The following TOP1 variants were observed in gnomAD, a reference collection of about 807,000 sequenced individuals.
TOP1 encodes DNA topoisomerase I, also known as DNA topoisomerase 1.
Under a neutral mutation model 111.1 loss-of-function variants are expected in TOP1, and 10 were observed. The observed-to-expected ratio is 0.09, with a 90% CI of 0.06 to 0.15. TOP1 has a LOEUF of 0.15. TOP1 is among the 10% of genes least tolerant of loss of function. The pLI is 1.00. For missense variants in TOP1, 474 were observed against 926.7 expected (o/e 0.51, Z 6.34); for synonymous variants, 271 against 302.9 (o/e 0.89, Z 1.10).
Position 41,097,204 on chromosome 20 carries a change from C to T in TOP1, c.731-16C>T. The T allele has an allele frequency of 1.2e-6, 2 of 1,607,950 alleles. No individual in the cohort carries two copies. The highest frequency in any genetic ancestry group is 1.7e-6 in the Non-Finnish European group (2 of 1,178,590). On this transcript the variant is annotated splice_polypyrimidine_tract_variant and intron_variant, in intron 9 of 20. Coordinates refer to ENST00000361337, the MANE Select transcript of TOP1 (RefSeq NM_003286.4). The surrounding 1 kb of genome is among the most constrained non-coding windows in gnomAD (Gnocchi z 4.2). ...GAATACTATACCTCACTTTTTGGAACCACTTTTTTCTCTAGGTAAAGTCAT... is the reference window on the plus strand; with the variant it reads ...GAATACTATACCTCACTTTTTGGAATCACTTTTTTCTCTAGGTAAAGTCAT...
chr20:41,097,168 G>T lies in TOP1; in HGVS notation c.731-52G>T. The T allele has an allele frequency of 6.3e-7, 1 of 1,594,004 alleles. No homozygotes were observed. Among genetic ancestry groups the T allele is most frequent in the Non-Finnish European group, 8.5e-7 (1 of 1,172,770 alleles). On this transcript the variant is annotated intron_variant, in intron 9 of 20. Coordinates refer to ENST00000361337, the MANE Select transcript of TOP1 (RefSeq NM_003286.4). This position sits in a 1 kb window ranked among gnomAD's most constrained non-coding sequence, Gnocchi z 4.2. ...GAATTCGCTAGCCCTGGGTATTTATGCTTAGAACATGAATACTATACCTCA... is the reference window on the plus strand; with the variant it reads ...GAATTCGCTAGCCCTGGGTATTTATTCTTAGAACATGAATACTATACCTCA...
chr20:41,072,102 C>T (rs1204955121), intron 3 of TOP1, among the ~76,000 whole-genome samples: 1 of 152,186 alleles, frequency 6.6e-6, no homozygotes, highest in South Asian at 2.1e-4. Flanking sequence ...GGTTTTTATC[C>T]TTTCAGGGTA....
intron 3 of TOP1, among the ~76,000 whole-genome samples, chr20:41,075,958 G>T (rs919540623): frequency 6.6e-6 from 1 of 152,094 alleles, no homozygotes; most frequent in African/African-American, 2.4e-5. Flanking sequence ...GTCCTGGTGT[G>T]TCTAGAATGA....
intron 3 of TOP1, chr20:41,072,611 A>G (rs1409754258): frequency 7.1e-6 from 7 of 985,232 alleles, no homozygotes; most frequent in Admixed American, 1.2e-4. Flanking sequence ...CCTAGGAAAG[A>G]TTGGCAGTGG....
chr20:41,113,275 A>C (rs1275922473), intron 14 of TOP1, among the ~76,000 whole-genome samples: 1 of 152,144 alleles, frequency 6.6e-6, no homozygotes, highest in East Asian at 1.9e-4. Context: ...TTTTTCCCCC[A>C]GTCTTGTATT....
At chr20:41,073,458 T>G in intron 3 of TOP1, 1 of 984,864 alleles carries the variant, frequency 1.0e-6, no homozygotes, top group Non-Finnish European at 1.2e-6. Flanking sequence ...TATCCAAACA[T>G]CTTTATTCTA....
intron 8 of TOP1, among the ~76,000 whole-genome samples, chr20:41,090,046 T>C (rs1166427683): frequency 6.6e-6 from 1 of 152,122 alleles, no homozygotes; most frequent in Non-Finnish European, 1.5e-5. Flanking sequence ...CAATCTTGGC[T>C]CACTGCAACA....
chr20:41,070,689 G>A (rs2145931795), intron 3 of TOP1, among the ~76,000 whole-genome samples: 1 of 152,354 alleles, frequency 6.6e-6, no homozygotes, highest in South Asian at 2.1e-4. Context: ...CATGTGACCT[G>A]CAGAGGTCTG....
At position 41,098,195 on chromosome 20, in the gene TOP1, C is replaced by A; in HGVS notation, c.853-20C>A. The A allele has an allele frequency of 6.2e-7, 1 of 1,613,018 alleles. No homozygotes were observed. Among genetic ancestry groups the A allele is most frequent in the Middle Eastern group, 1.6e-4 (1 of 6,062 alleles). ...TATTTTCGTTGTTTTTCTTTCATCT[C>A]CCCATTTTCTTTTGACTAGGAAATG... is the stretch of plus-strand genomic sequence containing the variant. On this transcript the variant is annotated intron_variant, in intron 10 of 20. Transcript: ENST00000361337. The surrounding 1 kb of genome is among the most constrained non-coding windows in gnomAD (Gnocchi z 5.7).
At chr20:41,053,004 A>C (rs2033424967) in intron 2 of TOP1, among the ~76,000 whole-genome samples, 2 of 152,158 alleles carry the variant, frequency 1.3e-5, no homozygotes, top group South Asian at 4.1e-4. Flanking sequence ...AACAACAAAA[A>C]AAAACTCTGT....
At chr20:41,087,957 G>A (rs2033867723) in intron 8 of TOP1, among the ~76,000 whole-genome samples, 1 of 152,074 alleles carries the variant, frequency 6.6e-6, no homozygotes, top group Admixed American at 6.6e-5. Context: ...ATTGCGGGGG[G>A]CGGATATATG....
In TOP1 at chr20:41,081,235, G is replaced by T; in HGVS notation, c.502G>T (p.Glu168Ter). ...GGAGAAGAAAAGAAAACTAGAAGAAGAAGAGGTTAGTAAAGAGACTTAGGT... is the reference window on the plus strand; with the variant it reads ...GGAGAAGAAAAGAAAACTAGAAGAATAAGAGGTTAGTAAAGAGACTTAGGT... ...KKEKKRKLEE[E>*]EDGKLKKPKN... The change falls in exon 7 of 21, where the codon GAA becomes TAA. Residue 168 changes from glutamate to a stop codon, truncating the protein, a stop_gained. Transcript: ENST00000361337. LOFTEE classifies it high-confidence loss of function. 1 of 1,605,254 alleles carries T rather than the reference G, an allele frequency of 6.2e-7. No homozygotes were observed. Among genetic ancestry groups the T allele is most frequent in the South Asian group, 1.1e-5 (1 of 90,278 alleles).
intron 2 of TOP1, among the ~76,000 whole-genome samples, chr20:41,049,649 C>T (rs6016505): frequency 0.67 from 101,172 of 152,046 alleles, 35,716 homozygotes; most frequent in African/African-American, 0.92. Context: ...TGGGATGGCG[C>T]GGTCAGGTGG....
chr20:41,088,170 T>C (rs1173501514), intron 8 of TOP1, among the ~76,000 whole-genome samples: 2 of 152,170 alleles, frequency 1.3e-5, no homozygotes, highest in African/African-American at 4.8e-5. Context: ...CATGTTGAAA[T>C]AGGAGTCGTA....
intron 6 of TOP1, 62 bp from the exon 7 acceptor site, chr20:41,081,103 C>T (rs2033783410): frequency 6.6e-7 from 1 of 1,511,546 alleles, no homozygotes; most frequent in Non-Finnish European, 8.9e-7. Context: ...TGTAGGTCTC[C>T]TATGAGTGAG....
chr20:41,051,728 G>T (rs961545700), intron 2 of TOP1, among the ~76,000 whole-genome samples: 1 of 151,906 alleles, frequency 6.6e-6, no homozygotes, highest in Non-Finnish European at 1.5e-5. Context: ...CTGGATCTCA[G>T]TATAGGAAGG....
At chr20:41,056,040 C>A (rs147359007) in intron 2 of TOP1, among the ~76,000 whole-genome samples, 2 of 152,186 alleles carry the variant, frequency 1.3e-5, no homozygotes, top group African/African-American at 4.8e-5. Flanking sequence ...TCAGTAATTA[C>A]CAACCTTTTG....
At chr20:41,047,684 T>A (rs1005934132) in intron 2 of TOP1, among the ~76,000 whole-genome samples, 1 of 152,204 alleles carries the variant, frequency 6.6e-6, no homozygotes, top group African/African-American at 2.4e-5. Context: ...GTGGCAGAAT[T>A]GAATACTTGC....
chr20:41,045,742 A>G (rs1370617373), intron 2 of TOP1, among the ~76,000 whole-genome samples: 1 of 152,228 alleles, frequency 6.6e-6, no homozygotes, highest in African/African-American at 2.4e-5. Flanking sequence ...TAATAAGTCA[A>G]TATCCTACTA....
Sources: gnomAD v4.1 joint callset for allele counts (sites outside exome capture counted in the v4.1 genomes callset) on GRCh38, gnomAD v4.1.1 for gene constraint, Gnocchi (gnomAD v3.1) non-coding constraint, MANE v1.5 for transcripts, NCBI Gene and HGNC (gene_info 2026-07-23, HGNC 2026-07-21) for gene names.